The following SMARCA2 variants were observed in gnomAD, a reference collection of about 807,000 sequenced individuals.
The protein encoded by SMARCA2 is SWI/SNF related BAF chromatin remodeling complex subunit ATPase 2.
A neutral mutation model predicts 199.8 loss-of-function variants in SMARCA2; 61 were observed. The observed-to-expected ratio is 0.31, with a 90% confidence interval of 0.25 to 0.38. The LOEUF is 0.38. SMARCA2 is among the 10% of genes least tolerant of loss of function. SMARCA2 has a pLI of 1.00. For synonymous variants in SMARCA2, 935 were observed against 732.0 expected (o/e 1.28, Z -4.48); for missense variants, 1,344 against 2,012.2 (o/e 0.67, Z 6.35).
rs1056642895 is a variant in SMARCA2 at position 2,039,974 on chromosome 9, G to T, written c.790+74G>T. 17 of 1,577,768 alleles carry T rather than the reference G, an allele frequency of 1.1e-5. No individual in the cohort carries two copies. The highest frequency in any genetic ancestry group is 1.3e-5 in the Non-Finnish European group (15 of 1,163,688). On this transcript the variant is annotated intron_variant, in intron 4 of 33. Coordinates refer to ENST00000349721, the MANE Select transcript of SMARCA2 (RefSeq NM_003070.5). This position sits in a 1 kb window ranked among gnomAD's most constrained non-coding sequence, Gnocchi z 4.8. ...AACAAAGACTGCTCACCAAAACACC[G>T]GGTTGTTAAAAGCCCGGGGCTGACG... is the stretch of plus-strand genomic sequence containing the variant.
intron 2 of SMARCA2, among the ~76,000 whole-genome samples, chr9:2,031,218 C>CT (rs1462414252): frequency 3.3e-5 from 5 of 152,208 alleles, no homozygotes; most frequent in African/African-American, 1.2e-4. Flanking sequence ...TTTCTGTCTC[C>CT]TCTTTTTAAC....
chr9:2,156,706 C>T (rs1462700994), intron 27 of SMARCA2, among the ~76,000 whole-genome samples: 1 of 152,158 alleles, frequency 6.6e-6, no homozygotes. Context: ...GCTGGGATTA[C>T]AGGCATGAGC....
chr9:2,035,720 A>G (rs1168835224), intron 3 of SMARCA2, among the ~76,000 whole-genome samples: 3 of 152,212 alleles, frequency 2.0e-5, no homozygotes, highest in Admixed American at 6.5e-5. Flanking sequence ...TATAATTTCA[A>G]TGAAGTATAA....
chr9:2,166,627 T>C (rs1241500462), intron 28 of SMARCA2, among the ~76,000 whole-genome samples: 1 of 152,228 alleles, frequency 6.6e-6, no homozygotes, highest in Non-Finnish European at 1.5e-5. Context: ...TTATGTTTAC[T>C]ATGTTTATGT....
At chr9:2,058,221 C>A in intron 7 of SMARCA2, 70 bp from the exon 8 acceptor site, 2 of 1,370,476 alleles carry the variant, frequency 1.5e-6, no homozygotes, top group Non-Finnish European at 2.1e-6. Flanking sequence ...TCTTGGACAA[C>A]ACTGATAGCT....
intron 1 of SMARCA2, among the ~76,000 whole-genome samples, chr9:2,019,141 A>G (rs1641710615): frequency 8.0e-6 from 1 of 125,060 alleles, no homozygotes; most frequent in Non-Finnish European, 1.8e-5. Context: ...ACTGAGGGGA[A>G]AAAAAAAAAC....
intron 27 of SMARCA2, chr9:2,158,968 G>C (rs1417623491): frequency 4.3e-6 from 7 of 1,612,116 alleles, no homozygotes; most frequent in Non-Finnish European, 2.5e-6. Flanking sequence ...CTTAGTTTGA[G>C]GGGAATAATG....
In SMARCA2 at chr9:2,170,147, T is replaced by C. The variant is rs544862514; in HGVS notation, c.4200-272T>C. Among the ~76,000 whole-genome samples the C allele has an allele frequency of 3.9e-5, 6 of 152,218 alleles. No individual in the cohort carries two copies. Among genetic ancestry groups the C allele is most frequent in the East Asian group, 1.9e-4 (1 of 5,180 alleles). ...ACCTTCTGGAACAGTGAATGGAACA[T>C]GTAAGAGGGAACAGGGTAACAGGAA... On this transcript the variant is annotated intron_variant, in intron 28 of 33. Coordinates refer to ENST00000349721, the MANE Select transcript of SMARCA2 (RefSeq NM_003070.5). The surrounding 1 kb of genome is among the most constrained non-coding windows in gnomAD (Gnocchi z 4.7).
In SMARCA2 at chr9:2,039,754, TGCAGCAACAACAGCA is replaced by T; in HGVS notation, c.654_668del (p.Gln234_Gln238del). On this transcript the variant is annotated inframe_deletion, in exon 4 of 34. Transcript: ENST00000349721. The surrounding 1 kb of genome is among the most constrained non-coding windows in gnomAD (Gnocchi z 4.8). Reference sequence around the variant, plus strand: ...CAGGGGAAAAGGACGTTGCCTGGCTTGCAGCAACAACAGCAGCAGCAACAGCAGCAGCAGCAGCAG... The same window carrying T: ...CAGGGGAAAAGGACGTTGCCTGGCTTGCAGCAACAGCAGCAGCAGCAGCAG... The T allele has an allele frequency of 6.2e-7, 1 of 1,613,122 alleles. No homozygotes were observed. Among genetic ancestry groups the T allele is most frequent in the Non-Finnish European group, 8.5e-7 (1 of 1,179,772 alleles).
At chr9:2,132,966 C>T (rs140627793) in intron 27 of SMARCA2, among the ~76,000 whole-genome samples, 48 of 152,098 alleles carry the variant, frequency 3.2e-4, no homozygotes, top group African/African-American at 8.0e-4. Context: ...AGAGGTCTGA[C>T]GGAAATATAC....
intron 25 of SMARCA2, among the ~76,000 whole-genome samples, chr9:2,117,712 C>G (rs1048277994): frequency 6.6e-6 from 1 of 152,212 alleles, no homozygotes; most frequent in Non-Finnish European, 1.5e-5. Context: ...CTGATCTCCC[C>G]TGGGCCCGAG....
intron 29 of SMARCA2, among the ~76,000 whole-genome samples, chr9:2,175,170 C>G (rs1826493254): frequency 6.6e-6 from 1 of 152,114 alleles, no homozygotes; most frequent in Non-Finnish European, 1.5e-5. Context: ...CAGTGGAGTT[C>G]TGTACCTGCA....
Position 2,077,291 on chromosome 9 carries a change from G to T in SMARCA2, c.2037-338G>T, listed in dbSNP as rs573835061. ...TTCATCGGCAAAGTATTCATCTGCA[G>T]GTGTAGGGTTCAGGCTCCTATCTGT... On this transcript the variant is annotated intron_variant, in intron 13 of 33. Transcript: ENST00000349721. Among the ~76,000 whole-genome samples, 5 of 152,298 alleles carry T rather than the reference G, an allele frequency of 3.3e-5. No individual in the cohort carries two copies. The East Asian group carries it at 7.7e-4, about 24-fold the overall frequency.
intron 27 of SMARCA2, among the ~76,000 whole-genome samples, chr9:2,147,272 T>A (rs1392556707): frequency 6.7e-6 from 1 of 148,216 alleles, no homozygotes; most frequent in African/African-American, 2.5e-5. Flanking sequence ...CAAGGTACTA[T>A]GACCTTCTTT....
At chr9:2,069,642 T>G (rs1290773998) in intron 9 of SMARCA2, among the ~76,000 whole-genome samples, 2 of 152,058 alleles carry the variant, frequency 1.3e-5, no homozygotes, top group Non-Finnish European at 2.9e-5. Context: ...TTACACATGG[T>G]AGAAATACTA....
At chr9:2,102,462 A>T (rs1380287345) in intron 22 of SMARCA2, among the ~76,000 whole-genome samples, 1 of 152,224 alleles carries the variant, frequency 6.6e-6, no homozygotes, top group Non-Finnish European at 1.5e-5. Context: ...TGTCTGTTAG[A>T]AATAACATAT....
intron 29 of SMARCA2, among the ~76,000 whole-genome samples, chr9:2,175,874 T>TTTTGTTTG (rs200349414): frequency 1.3e-5 from 2 of 151,010 alleles, no homozygotes. Context: ...TTTGGGTTTT[T>TTTTGTTTG]TTTGTTTGTT....
At chr9:2,109,440 C>T (rs1466449958) in intron 23 of SMARCA2, among the ~76,000 whole-genome samples, 3 of 152,006 alleles carry the variant, frequency 2.0e-5, no homozygotes, top group Non-Finnish European at 4.4e-5. Context: ...AAGAATGCCC[C>T]AAAAGTGAGC....
At chr9:2,024,944 G>T (rs984093015) in intron 1 of SMARCA2, among the ~76,000 whole-genome samples, 1 of 152,184 alleles carries the variant, frequency 6.6e-6, no homozygotes, top group African/African-American at 2.4e-5. Context: ...CCACATGTGG[G>T]GGTCTTTGGT....
Sources: allele counts gnomAD v4.1 joint callset (sites outside exome capture counted in the v4.1 genomes callset), GRCh38; gene constraint gnomAD v4.1.1; non-coding constraint Gnocchi (gnomAD v3.1); transcripts MANE v1.5; gene names NCBI Gene and HGNC (gene_info 2026-07-23, HGNC 2026-07-21).